The following CFAP77 variants were observed in gnomAD, a reference collection of about 807,000 sequenced individuals.
CFAP77 encodes the protein cilia- and flagella-associated protein 77.
Under a neutral mutation model 31.1 loss-of-function variants are expected in CFAP77, and 25 were observed. The observed-to-expected ratio is 0.80, with a 90% CI of 0.59 to 1.12. The LOEUF is 1.12. Among genes scored for constraint, CFAP77 ranks in the 50% most tolerant of loss-of-function variants. The probability of loss-of-function intolerance (pLI) is 0.00; values close to 1 mark genes in which losing one functional copy is unlikely to be tolerated. For synonymous variants in CFAP77, 151 were observed against 159.9 expected (o/e 0.94, Z 0.42); for missense variants, 377 against 397.3 (o/e 0.95, Z 0.44).
At chr9:132,428,930 G>C (rs1461852580) in intron 1 of CFAP77, among the ~76,000 whole-genome samples, 1 of 152,054 alleles carries the variant, frequency 6.6e-6, no homozygotes, top group Non-Finnish European at 1.5e-5. Flanking sequence ...TGACTGCTTT[G>C]GGCTTGGGTC....
At chr9:132,534,068 G>A (rs1449458410) in intron 3 of CFAP77, among the ~76,000 whole-genome samples, 1 of 152,066 alleles carries the variant, frequency 6.6e-6, no homozygotes, top group Non-Finnish European at 1.5e-5. Flanking sequence ...ATTGATAACT[G>A]GGGTCAATTT....
chr9:132,483,509 C>T (rs958499521), intron 1 of CFAP77, among the ~76,000 whole-genome samples: 2 of 152,162 alleles, frequency 1.3e-5, no homozygotes. Flanking sequence ...CGCGAACTGA[C>T]ACCTGGGTCT....
chr9:132,530,136 C>CTATTTTTT (rs1852414258), intron 3 of CFAP77, among the ~76,000 whole-genome samples: 2 of 93,268 alleles, frequency 2.1e-5, no homozygotes, highest in African/African-American at 8.4e-5. Flanking sequence ...TCTTTCTTTT[C>CTATTTTTT]TTTTTTTTTT....
intron 1 of CFAP77, among the ~76,000 whole-genome samples, chr9:132,457,706 G>A (rs564545909): frequency 6.6e-6 from 1 of 152,198 alleles, no homozygotes; most frequent in South Asian, 2.1e-4. Flanking sequence ...GGAGCGTTCC[G>A]CACGCCACCT....
At chr9:132,477,256 G>A (rs1316290606) in intron 1 of CFAP77, among the ~76,000 whole-genome samples, 1 of 152,204 alleles carries the variant, frequency 6.6e-6, no homozygotes, top group East Asian at 1.9e-4. Context: ...CCCGGCACAA[G>A]AGTAGACCTG....
chr9:132,445,010 G>A (rs1230927478), intron 1 of CFAP77, among the ~76,000 whole-genome samples: 1 of 137,678 alleles, frequency 7.3e-6, no homozygotes, highest in Non-Finnish European at 1.5e-5. Context: ...GTCTCACTCT[G>A]TTGCCCAGGC....
intron 1 of CFAP77, among the ~76,000 whole-genome samples, chr9:132,484,868 A>G (rs1173178524): frequency 7.3e-6 from 1 of 137,404 alleles, no homozygotes; most frequent in South Asian, 2.3e-4. Context: ...TTTTTTTTTT[A>G]GATGGAGTCT....
rs576630596 is a variant in CFAP77, at chr9:132,480,752, C to T, written c.196-17943C>T. Among the ~76,000 whole-genome samples, 110 of 152,024 alleles carry T rather than the reference C, an allele frequency of 7.2e-4. 1 individual carries two copies. The highest frequency in any genetic ancestry group is 1.4e-3 in the Non-Finnish European group (94 of 68,010). On this transcript the variant is annotated intron_variant, in intron 1 of 5. Coordinates refer to ENST00000393216, the MANE Select transcript of CFAP77 (RefSeq NM_001282957.2). The surrounding 1 kb of genome is among the most constrained non-coding windows in gnomAD (Gnocchi z 5.8). Reference sequence around the variant, plus strand: ...TCAGCTAGGAGTTAGCGGGGCCAGGCGCCGGTGAGGAGAGGGATGTGTCAG... The same window carrying T: ...TCAGCTAGGAGTTAGCGGGGCCAGGTGCCGGTGAGGAGAGGGATGTGTCAG...
chr9:132,441,794 G>A (rs772732435), intron 1 of CFAP77, among the ~76,000 whole-genome samples: 9 of 152,198 alleles, frequency 5.9e-5, no homozygotes, highest in Admixed American at 1.3e-4. Context: ...GGTCAGGCAC[G>A]CCTGAGCTCC....
At chr9:132,487,599 G>A (rs555724063) in intron 1 of CFAP77, among the ~76,000 whole-genome samples, 4 of 148,252 alleles carry the variant, frequency 2.7e-5, no homozygotes, top group Non-Finnish European at 5.9e-5. Context: ...TTTTTTTAAC[G>A]TGGTTGTAAC....
At chr9:132,541,947 A>T (rs1450920755) in intron 4 of CFAP77, among the ~76,000 whole-genome samples, 3 of 152,218 alleles carry the variant, frequency 2.0e-5, no homozygotes, top group Non-Finnish European at 4.4e-5. Context: ...CCTTTAGGGA[A>T]AGAGGAAACA....
chr9:132,432,932 T>C (rs1850436889), intron 1 of CFAP77, among the ~76,000 whole-genome samples: 1 of 152,124 alleles, frequency 6.6e-6, no homozygotes, highest in Non-Finnish European at 1.5e-5. Context: ...GCCAGGATGG[T>C]CTTGATCTCC....
At chr9:132,553,326 G>C (rs1329821282) in intron 5 of CFAP77, among the ~76,000 whole-genome samples, 1 of 152,208 alleles carries the variant, frequency 6.6e-6, no homozygotes, top group Non-Finnish European at 1.5e-5. Context: ...TGTTGGCTGA[G>C]CATGGTGGCT....
chr9:132,531,633 G>A lies in CFAP77; in HGVS notation c.525-5968G>A, dbSNP rs144742971. On this transcript the variant is annotated intron_variant, in intron 3 of 5. Coordinates refer to ENST00000393216, the MANE Select transcript of CFAP77 (RefSeq NM_001282957.2). ...GGGCTTAGGCTAAGACATGGGGGGG[G>A]GGGCATGGAAGGCATTTTAAGCAAG... is the stretch of plus-strand genomic sequence containing the variant. 3.4e-4 allele frequency among the ~76,000 whole-genome samples: 49 copies of A among 145,588 alleles called. 2 individuals are homozygous for A. The highest frequency in any genetic ancestry group is 1.1e-3 in the African/African-American group (45 of 40,544).
At position 132,511,720 on chromosome 9, in the gene CFAP77, G is replaced by A. The variant is rs1852042987; in HGVS notation, c.524+12120G>A. On this transcript the variant is annotated intron_variant, in intron 3 of 5. Transcript: ENST00000393216. The surrounding 1 kb of genome is among the most constrained non-coding windows in gnomAD (Gnocchi z 5.8). The stretch of plus-strand genomic sequence containing the variant: ...AAAATCATCGTTTGTTAATTTCCTG[G>A]GGTTTCTGAAACAAATTACCACACG... Among the ~76,000 whole-genome samples the A allele has an allele frequency of 6.6e-6, 1 of 152,132 alleles. No individual in the cohort carries two copies. The highest frequency in any genetic ancestry group is 2.4e-5 in the African/African-American group (1 of 41,424).
chr9:132,490,665 C>T lies in CFAP77; in HGVS notation c.196-8030C>T, dbSNP rs1211820551. Reference sequence around the variant, plus strand: ...TTACCCTCCCTGGCTACTCCTGGAACCTTCTTCAGATCAGTTCTTCCCAAA... The same window carrying T: ...TTACCCTCCCTGGCTACTCCTGGAATCTTCTTCAGATCAGTTCTTCCCAAA... On this transcript the variant is annotated intron_variant, in intron 1 of 5. Transcript: ENST00000393216. The surrounding 1 kb of genome is among the most constrained non-coding windows in gnomAD (Gnocchi z 4.6). Among the ~76,000 whole-genome samples the T allele has an allele frequency of 6.6e-6, 1 of 152,144 alleles. No homozygotes were observed. The highest frequency in any genetic ancestry group is 1.5e-5 in the Non-Finnish European group (1 of 68,022).
intron 1 of CFAP77, among the ~76,000 whole-genome samples, chr9:132,433,142 G>T (rs1014952567): frequency 2.2e-4 from 33 of 152,276 alleles, no homozygotes; most frequent in African/African-American, 7.9e-4. Flanking sequence ...GAACCACCAT[G>T]TCAGGACCCT....
intron 1 of CFAP77, among the ~76,000 whole-genome samples, chr9:132,487,643 GTT>G (rs74783489): frequency 7.9e-6 from 1 of 126,714 alleles, no homozygotes; most frequent in African/African-American, 2.9e-5. Context: ...TCCGGCTGTG[GTT>G]TTTTTTTTTT....
intron 5 of CFAP77, among the ~76,000 whole-genome samples, chr9:132,555,972 G>A (rs1034013565): frequency 2.0e-5 from 3 of 151,848 alleles, no homozygotes; most frequent in South Asian, 4.2e-4. Flanking sequence ...TCTCCACTCC[G>A]AGTCACACTC....
Sources: allele counts gnomAD v4.1 joint callset (sites outside exome capture counted in the v4.1 genomes callset), GRCh38; gene constraint gnomAD v4.1.1; non-coding constraint Gnocchi (gnomAD v3.1); transcripts MANE v1.5; gene names NCBI Gene and HGNC (gene_info 2026-07-23, HGNC 2026-07-21).